The following STARD9 variants were observed in gnomAD, a reference collection of about 807,000 sequenced individuals.
STARD9 encodes StAR related lipid transfer domain containing 9, also known as stAR-related lipid transfer protein 9.
STARD9 carries 346 observed loss-of-function variants against 399.8 expected under a neutral mutation model. The observed-to-expected ratio is 0.87, with a 90% CI of 0.79 to 0.95. The LOEUF is 0.95. STARD9 is among the 40% of genes least tolerant of loss of function. STARD9 has a pLI of 0.00. For synonymous variants in STARD9, 2,203 were observed against 2,143.5 expected, an observed-to-expected ratio of 1.03 and a Z score of -0.77; for missense variants, 5,832 against 5,667.5, an observed-to-expected ratio of 1.03 and a Z score of -0.93.
intron 4 of STARD9, 31 bp downstream of exon 4, chr15:42,635,003 G>T (rs1192547773): frequency 1.6e-6 from 2 of 1,235,992 alleles, no homozygotes; most frequent in East Asian, 5.1e-5. Flanking sequence ...TATTCCTAAT[G>T]CCACAGCAAG....
At position 42,717,813 on chromosome 15, in the gene STARD9, C is replaced by G; in HGVS notation, c.13559+18C>G. On this transcript the variant is annotated intron_variant, in intron 29 of 32. Transcript: ENST00000290607. The stretch of plus-strand genomic sequence containing the variant: ...GGCTGGAAGTAAGTTTGTTTAGGGT[C>G]CTTTGTACAGTGTCTGTCTTGGTAA... 1 of 1,536,144 alleles carries G rather than the reference C, an allele frequency of 6.5e-7. No individual in the cohort carries two copies. The highest frequency in any genetic ancestry group is 8.7e-7 in the Non-Finnish European group (1 of 1,145,960).
At chr15:42,668,039 A>G (rs1048334900) in intron 15 of STARD9, among the ~76,000 whole-genome samples, 2 of 152,210 alleles carry the variant, frequency 1.3e-5, no homozygotes, top group African/African-American at 2.4e-5. Context: ...ACTCATTAGC[A>G]TTCTTGCATT....
chr15:42,663,426 C>T lies in STARD9; in HGVS notation c.1014C>T (p.Asp338=), dbSNP rs749135965. 3 of 1,537,308 alleles carry T rather than the reference C, an allele frequency of 2.0e-6. No individual in the cohort carries two copies. The South Asian group carries it at 3.6e-5, about 18-fold the overall frequency. The change falls in exon 12 of 33, where the codon GAC becomes GAT. Residue 338 remains aspartate (D), a synonymous_variant. Coordinates refer to ENST00000290607, the MANE Select transcript of STARD9 (RefSeq NM_020759.3). ...GGCAGTCTTATATCCCATACCGAGA[C>T]TCTGTGTTGACCTGGCTGCTGAAGG... The part of the protein sequence containing the change: ...SRRQSYIPYR[D]SVLTWLLKDS...
At chr15:42,638,599 T>C in intron 6 of STARD9, 101 bp from the exon 7 acceptor site, 1 of 722,666 alleles carries the variant, frequency 1.4e-6, no homozygotes, top group Admixed American at 2.6e-5. Context: ...GTGTCAGAAG[T>C]GGAGCTGGAA....
chr15:42,575,677 C>G lies in STARD9; in HGVS notation c.-39C>G, dbSNP rs370295021. 2.2e-3 allele frequency: 3,390 copies of G among 1,535,034 alleles called. 70 individuals carry two copies. The African/African-American group carries it at 0.041, about 19-fold the overall frequency. On this transcript the variant is annotated 5_prime_UTR_variant, in exon 1 of 33. Transcript: ENST00000290607. ...TTAGGGCGGGGGCCTGGGATGCTGCCGCTGAGCTGACCCGCTGGACTTGGG... is the reference window on the plus strand; with the variant it reads ...TTAGGGCGGGGGCCTGGGATGCTGCGGCTGAGCTGACCCGCTGGACTTGGG...
At chr15:42,707,365 G>C (rs569085833) in intron 26 of STARD9, among the ~76,000 whole-genome samples, 1 of 152,098 alleles carries the variant, frequency 6.6e-6, no homozygotes, top group Non-Finnish European at 1.5e-5. Flanking sequence ...TCACTGAGAA[G>C]AGTGGATAGG....
intron 20 of STARD9, among the ~76,000 whole-genome samples, chr15:42,677,025 G>T (rs1038520275): frequency 6.7e-6 from 1 of 150,328 alleles, no homozygotes; most frequent in African/African-American, 2.5e-5. Context: ...GGCCGAGGTG[G>T]GTGGATCACA....
In STARD9 at chr15:42,663,436, A is replaced by T. The variant is rs1165277488; in HGVS notation, c.1024A>T (p.Thr342Ser). 8 of 1,537,246 alleles carry T rather than the reference A, an allele frequency of 5.2e-6. No individual in the cohort carries two copies. In the East Asian group the frequency reaches 1.5e-4, roughly 28 times the overall value. ...SYIPYRDSVL[T>S]WLLKDSLGGN... ...TATCCCATACCGAGACTCTGTGTTG[A>T]CCTGGCTGCTGAAGGACAGCCTTGG... The change falls in exon 12 of 33, where the codon ACC becomes TCC. Residue 342 changes from threonine to serine, a missense_variant. Coordinates refer to ENST00000290607, the MANE Select transcript of STARD9 (RefSeq NM_020759.3).
intron 1 of STARD9, among the ~76,000 whole-genome samples, chr15:42,578,565 G>A (rs190857140): frequency 9.5e-4 from 144 of 151,372 alleles, no homozygotes; most frequent in Non-Finnish European, 1.5e-3. Flanking sequence ...TGCCAATACT[G>A]TAGGCTCTAG....
chr15:42,695,178 C>T lies in STARD9; in HGVS notation c.13001C>T (p.Ser4334Phe), dbSNP rs754090945. The change falls in exon 25 of 33, where the codon TCT becomes TTT. Residue 4334 changes from serine to phenylalanine, a missense_variant. This residue lies in a region of STARD9 where 5,828 missense variants were observed against 5,651.1 expected (regional missense o/e 1.03). Transcript: ENST00000290607. ...GTGTCAAGGTCAGCTCACACACCCT[C>T]TGACATAGAGTTGATGCTGCAAGAC... The part of the protein sequence containing the change: ...ESVSRSAHTP[S>F]DIELMLQDYQ... The T allele has an allele frequency of 5.3e-5, 82 of 1,536,814 alleles. No homozygotes were observed. Among genetic ancestry groups the T allele is most frequent in the African/African-American group, 6.8e-5 (5 of 73,026 alleles).
chr15:42,587,157 T>C (rs1273911186), intron 3 of STARD9, among the ~76,000 whole-genome samples: 1 of 152,196 alleles, frequency 6.6e-6, no homozygotes, highest in Non-Finnish European at 1.5e-5. Flanking sequence ...CACCCAGCTA[T>C]AAAGCTTTTA....
intron 4 of STARD9, among the ~76,000 whole-genome samples, chr15:42,635,538 C>T (rs2059403365): frequency 6.6e-6 from 1 of 151,964 alleles, no homozygotes; most frequent in African/African-American, 2.4e-5. Context: ...ACCGTGTTAG[C>T]CAGGATGGTC....
Position 42,665,283 on chromosome 15 carries a change from A to G in STARD9, c.1207A>G (p.Arg403Gly). Residue 403 changes from arginine (R) to glycine (G), a missense_variant, in exon 14 of 33, where the codon AGA (arginine) becomes GGA (glycine). Arg to Gly is a moderately radical substitution (Grantham distance 125). Around this residue, in one of 2 missense-constraint regions of STARD9, gnomAD observed 5,828 missense variants for 5,651.1 expected, o/e 1.03. Transcript: ENST00000290607. ...DANLKLIRELREEIERLKALL... is the reference protein window; with the variant it reads ...DANLKLIRELGEEIERLKALL... Reference sequence around the variant, plus strand: ...AAACTTAAAACTGATTAGAGAACTCAGAGAAGAGATTGAAAGACTGAAAGC... The same window carrying G: ...AAACTTAAAACTGATTAGAGAACTCGGAGAAGAGATTGAAAGACTGAAAGC... 4 of 1,537,142 alleles carry G rather than the reference A, an allele frequency of 2.6e-6. No homozygotes were observed. Among genetic ancestry groups the G allele is most frequent in the South Asian group, 1.2e-5 (1 of 84,060 alleles).
Position 42,691,844 on chromosome 15 carries a change from G to T in STARD9, c.10266G>T (p.Thr3422=). 1 of 1,537,172 alleles carries T rather than the reference G, an allele frequency of 6.5e-7. No individual in the cohort carries two copies. The highest frequency in any genetic ancestry group is 1.2e-5 in the South Asian group (1 of 84,038). ...CACACATGCCAACCCCTGATTTCAC[G>T]ACCAGCTGGATGTCTGGTACTTTGG... is the stretch of plus-strand genomic sequence containing the variant. ...TLSHMPTPDF[T]TSWMSGTLEQ... is the part of the protein sequence containing the mutation. The change falls in exon 23 of 33, where the codon ACG becomes ACT. Residue 3422 remains threonine (T), a synonymous_variant. Transcript: ENST00000290607.
intron 26 of STARD9, among the ~76,000 whole-genome samples, chr15:42,704,163 G>T (rs1321086033): frequency 1.3e-5 from 2 of 152,100 alleles, no homozygotes; most frequent in South Asian, 2.1e-4. Flanking sequence ...TGCCTGCCTC[G>T]GCCTCCCAAA....
intron 10 of STARD9, among the ~76,000 whole-genome samples, chr15:42,661,964 T>G (rs188771433): frequency 6.6e-6 from 1 of 152,308 alleles, no homozygotes; most frequent in East Asian, 1.9e-4. Context: ...TTATTTTTTC[T>G]TTAATATTGA....
chr15:42,696,095 G>A (rs900920583), intron 26 of STARD9, among the ~76,000 whole-genome samples: 3 of 152,158 alleles, frequency 2.0e-5, no homozygotes, highest in African/African-American at 7.2e-5. Flanking sequence ...TTATTCTGTG[G>A]GTATTATTTT....
At position 42,694,193 on chromosome 15, in the gene STARD9, C is replaced by CCT; in HGVS notation, c.12619_12620dup (p.Leu4208HisfsTer39). 1.3e-6 allele frequency: 2 copies of CCT among 1,535,874 alleles called. No homozygotes were observed. Among genetic ancestry groups the CCT allele is most frequent in the Non-Finnish European group, 1.7e-6 (2 of 1,146,302 alleles). ...TCCCCCTGCAAGTTGGGGCCCAGAA[C>CCT]CTCTCACTCAGCGTGGAACTCACAG... On this transcript the variant is annotated frameshift_variant, in exon 23 of 33. Coordinates refer to ENST00000290607, the MANE Select transcript of STARD9 (RefSeq NM_020759.3). LOFTEE classifies it high-confidence loss of function.
At chr15:42,592,724 G>A (rs1750615306) in intron 3 of STARD9, among the ~76,000 whole-genome samples, 1 of 152,134 alleles carries the variant, frequency 6.6e-6, no homozygotes, top group Non-Finnish European at 1.5e-5. Flanking sequence ...GATTACAGGC[G>A]TGAGCCACCA....
Sources: allele counts gnomAD v4.1 joint callset (sites outside exome capture counted in the v4.1 genomes callset), GRCh38; gene constraint gnomAD v4.1.1; regional missense constraint gnomAD v4.1.1; transcripts MANE v1.5; gene names NCBI Gene and HGNC (gene_info 2026-07-23, HGNC 2026-07-21).